OTOGL: variants seen among roughly 807,000 people sequenced by gnomAD.
The protein encoded by OTOGL is otogelin like.
OTOGL carries 285 observed loss-of-function variants against 318.5 expected under a neutral mutation model. The observed-to-expected ratio is 0.89, with a 90% CI of 0.81 to 0.99. The LOEUF is 0.99. Among genes scored for constraint, OTOGL ranks in the 50% least tolerant of loss-of-function variants. OTOGL has a pLI of 0.00. For missense variants in OTOGL, 2,899 were observed against 2,845.6 expected (o/e 1.02, Z -0.43); for synonymous variants, 987 against 936.5 (o/e 1.05, Z -0.99).
intron 11 of OTOGL, among the ~76,000 whole-genome samples, chr12:80,250,483 A>G (rs1010684834): frequency 6.6e-6 from 1 of 152,208 alleles, no homozygotes; most frequent in African/African-American, 2.4e-5. Flanking sequence ...TGTAGGAAAG[A>G]ATGCACATAT....
At chr12:80,356,384 A>G (rs1239658401) in intron 47 of OTOGL, 32 bp from the exon 48 acceptor site, 1 of 1,535,466 alleles carries the variant, frequency 6.5e-7, no homozygotes, top group East Asian at 2.3e-5. Context: ...AGTTGTGTTC[A>G]CTAATATTTT....
intron 1 of OTOGL, among the ~76,000 whole-genome samples, chr12:80,146,334 G>A (rs1418948460): frequency 6.8e-6 from 1 of 147,372 alleles, no homozygotes; most frequent in African/African-American, 2.7e-5. Context: ...TTTTGTCTTT[G>A]GCTCGGTTTA....
Position 80,298,829 on chromosome 12 carries a change from G to A in OTOGL, c.3063+1868G>A, listed in dbSNP as rs77046126. On this transcript the variant is annotated intron_variant, in intron 27 of 58. Coordinates refer to ENST00000547103, the MANE Select transcript of OTOGL (RefSeq NM_001378609.3). ...GCATGGGGTAAAGGCAATAGATGAG[G>A]GGGCTGAGTCCAGACTATGGAGGCT... 3.6e-3 allele frequency among the ~76,000 whole-genome samples: 549 copies of A among 152,254 alleles called. 6 individuals are homozygous for A. The highest frequency in any genetic ancestry group is 0.013 in the African/African-American group (524 of 41,530).
chr12:80,154,911 G>T (rs1283009682), intron 1 of OTOGL, among the ~76,000 whole-genome samples: 1 of 152,210 alleles, frequency 6.6e-6, no homozygotes, highest in Non-Finnish European at 1.5e-5. Flanking sequence ...GTGAATGAAA[G>T]TTCCTGTTGC....
intron 22 of OTOGL, among the ~76,000 whole-genome samples, chr12:80,269,352 G>C (rs1407881077): frequency 6.6e-6 from 1 of 152,112 alleles, no homozygotes; most frequent in Non-Finnish European, 1.5e-5. Context: ...TGTGGCTCTT[G>C]CCTTATACTC....
At chr12:80,128,362 G>T (rs1209526261) in intron 1 of OTOGL, among the ~76,000 whole-genome samples, 1 of 152,164 alleles carries the variant, frequency 6.6e-6, no homozygotes, top group Non-Finnish European at 1.5e-5. Flanking sequence ...GTGGATATTG[G>T]TGAACAGCAA....
chr12:80,321,163 C>G (rs1406518402), intron 34 of OTOGL, among the ~76,000 whole-genome samples: 1 of 152,148 alleles, frequency 6.6e-6, no homozygotes, highest in Non-Finnish European at 1.5e-5. Flanking sequence ...CCATTGACCT[C>G]TAGAAGATTT....
chr12:80,179,737 G>C (rs1874788764), intron 1 of OTOGL, among the ~76,000 whole-genome samples: 1 of 152,212 alleles, frequency 6.6e-6, no homozygotes, highest in South Asian at 2.1e-4. Flanking sequence ...AGTTTGGCCA[G>C]TTTTGCTCAC....
intron 1 of OTOGL, 92 bp downstream of exon 1, chr12:80,099,697 G>A (rs577753940): frequency 1.3e-5 from 2 of 152,308 alleles, no homozygotes; most frequent in East Asian, 1.9e-4. Flanking sequence ...TGGTTTAATG[G>A]AAATGAGAGG....
intron 1 of OTOGL, among the ~76,000 whole-genome samples, chr12:80,161,255 A>C: frequency 6.6e-6 from 1 of 152,200 alleles, no homozygotes; most frequent in Middle Eastern, 3.4e-3. Context: ...TAAAAAGAGA[A>C]AGGTATAAAT....
At chr12:80,108,936 G>GTATATATATATATATATATA (rs199972356) in intron 1 of OTOGL, among the ~76,000 whole-genome samples, 1 of 128,244 alleles carries the variant, frequency 7.8e-6, no homozygotes, top group African/African-American at 3.2e-5. Flanking sequence ...ATATGTGTGT[G>GTATATATATATATATATATA]TATATATATA....
chr12:80,279,511 A>G (rs1884058635), intron 26 of OTOGL, among the ~76,000 whole-genome samples: 1 of 151,410 alleles, frequency 6.6e-6, no homozygotes, highest in African/African-American at 2.4e-5. Context: ...TATATACCCA[A>G]TGTTTAGCTC....
intron 50 of OTOGL, 96 bp downstream of exon 50, chr12:80,358,445 A>T (rs188213413): frequency 9.6e-7 from 1 of 1,036,712 alleles, no homozygotes; most frequent in African/African-American, 1.6e-5. Flanking sequence ...ACCCTTTTTC[A>T]AAGTTTTTCA....
At chr12:80,318,424 T>C in intron 32 of OTOGL, 122 bp from the exon 33 acceptor site, 1 of 574,748 alleles carries the variant, frequency 1.7e-6, no homozygotes, top group Non-Finnish European at 2.6e-6. Flanking sequence ...ATTTTATTAG[T>C]GATAAATTTT....
chr12:80,249,425 T>G (rs372925589), intron 11 of OTOGL, among the ~76,000 whole-genome samples: 23 of 151,290 alleles, frequency 1.5e-4, no homozygotes, highest in Admixed American at 1.4e-3. Flanking sequence ...TACCCTGCCG[T>G]GTGAGGTGTC....
intron 6 of OTOGL, among the ~76,000 whole-genome samples, chr12:80,221,860 C>T (rs1057433577): frequency 6.6e-6 from 1 of 152,090 alleles, no homozygotes; most frequent in Admixed American, 6.6e-5. Context: ...AGTTAAGAAA[C>T]TTTCTAACAT....
chr12:80,237,652 T>C (rs1592588644), intron 9 of OTOGL, among the ~76,000 whole-genome samples: 1 of 151,480 alleles, frequency 6.6e-6, no homozygotes, highest in Admixed American at 6.6e-5. Flanking sequence ...GGGTTGGGAG[T>C]AAGGGGAGAA....
At chr12:80,325,104 G>A (rs1887593730) in intron 35 of OTOGL, among the ~76,000 whole-genome samples, 3 of 152,000 alleles carry the variant, frequency 2.0e-5, no homozygotes, top group Admixed American at 1.3e-4. Flanking sequence ...ATATTTTTAT[G>A]AGAATCATTT....
intron 24 of OTOGL, among the ~76,000 whole-genome samples, chr12:80,272,444 A>T (rs1456573145): frequency 6.6e-6 from 1 of 151,904 alleles, no homozygotes; most frequent in Non-Finnish European, 1.5e-5. Context: ...TCCTATCTTC[A>T]TAAATATTCT....
Sources: gnomAD v4.1 joint callset for allele counts (sites outside exome capture counted in the v4.1 genomes callset) on GRCh38, gnomAD v4.1.1 for gene constraint, MANE v1.5 for transcripts, NCBI Gene and HGNC (gene_info 2026-07-23, HGNC 2026-07-21) for gene names.